The following USP24 variants were observed in gnomAD, a reference collection of about 807,000 sequenced individuals.
The protein encoded by USP24 is ubiquitin carboxyl-terminal hydrolase 24.
Under a neutral mutation model 361.6 loss-of-function variants are expected in USP24, and 97 were observed. The observed-to-expected ratio is 0.27, with a 90% CI of 0.23 to 0.32. USP24 has a LOEUF of 0.32. Among genes scored for constraint, USP24 ranks in the 10% least tolerant of loss-of-function variants. The probability of loss-of-function intolerance (pLI) is 1.00; values close to 1 mark genes in which losing one functional copy is unlikely to be tolerated. For synonymous variants in USP24, 1,098 were observed against 1,124.6 expected, an observed-to-expected ratio of 0.98 and a Z score of 0.47; for missense variants, 2,353 against 3,165.6, an observed-to-expected ratio of 0.74 and a Z score of 6.16.
chr1:55,078,717 T>A, intron 60 of USP24, 66 bp from the exon 61 acceptor site: 3 of 1,268,354 alleles, frequency 2.4e-6, no homozygotes, highest in Non-Finnish European at 3.2e-6. Context: ...CTGTTGTTGC[T>A]GCCTTTAACT....
intron 61 of USP24, among the ~76,000 whole-genome samples, chr1:55,078,108 AAAG>A (rs1645068310): frequency 6.6e-6 from 1 of 152,244 alleles, no homozygotes; most frequent in East Asian, 1.9e-4. Flanking sequence ...CTGGTGCATA[AAAG>A]AAGGCATGCA....
rs183528901 is a variant in USP24, at chr1:55,099,098, T to C, written c.5371-540A>G. Among the ~76,000 whole-genome samples, 571 of 152,298 alleles carry C rather than the reference T, an allele frequency of 3.7e-3. 1 individual carries two copies. Among genetic ancestry groups the C allele is most frequent in the Admixed American group, 9.4e-3 (144 of 15,300 alleles). On this transcript the variant is annotated intron_variant, in intron 45 of 67. Transcript: ENST00000294383. ...CTTTCTCCCCTGTGCCAGAGCACTC[T>C]CTGCTCTGCACAGGGCCATCAGCTC... is the stretch of plus-strand genomic sequence containing the variant.
At chr1:55,102,658 C>T (rs759422001) in intron 42 of USP24, among the ~76,000 whole-genome samples, 1 of 151,558 alleles carries the variant, frequency 6.6e-6, no homozygotes, top group Admixed American at 6.6e-5. Context: ...TAATTAACAC[C>T]GAAATTTATT....
intron 24 of USP24, 37 bp downstream of exon 24, chr1:55,141,577 CAT>C (rs762737364): frequency 3.0e-5 from 45 of 1,514,728 alleles, no homozygotes; most frequent in Middle Eastern, 1.7e-4. Flanking sequence ...AAAAAACTGA[CAT>C]ATGTGTGTTG....
intron 51 of USP24, among the ~76,000 whole-genome samples, chr1:55,094,725 A>G (rs917937962): frequency 6.8e-6 from 1 of 146,626 alleles, no homozygotes; most frequent in African/African-American, 2.5e-5. Context: ...AAGTCCAGGT[A>G]TGGTGACTTA....
intron 47 of USP24, 22 bp downstream of exon 47, chr1:55,097,921 T>C: frequency 6.3e-7 from 1 of 1,575,512 alleles, no homozygotes. Flanking sequence ...ATCTTGTTTT[T>C]TAAAAAGGGC....
intron 53 of USP24, 92 bp downstream of exon 53, chr1:55,092,729 A>G: frequency 1.1e-6 from 1 of 943,544 alleles, no homozygotes; most frequent in Non-Finnish European, 1.6e-6. Context: ...AATGCTAACT[A>G]CTGAGACTGA....
rs72913316 is a variant in USP24, at chr1:55,154,920, T to C, written c.1447-142A>G. The C allele has an allele frequency of 1.8e-3, 1,098 of 605,024 alleles. 9 individuals are homozygous for C. The highest frequency in any genetic ancestry group is 0.018 in the African/African-American group (956 of 53,166). The allele number at this position is 605,024 out of a possible 1,614,324, so 37.5% of individuals were successfully genotyped here. ...GTGTAATCAGCATCCACTTGCATAATATTGGCAAGACTATATGAAGCAACC... is the reference window on the plus strand; with the variant it reads ...GTGTAATCAGCATCCACTTGCATAACATTGGCAAGACTATATGAAGCAACC... On this transcript the variant is annotated intron_variant, in intron 12 of 67. Coordinates refer to ENST00000294383, the MANE Select transcript of USP24 (RefSeq NM_015306.3).
At chr1:55,182,028 A>C (rs1643983339) in intron 1 of USP24, among the ~76,000 whole-genome samples, 1 of 152,172 alleles carries the variant, frequency 6.6e-6, no homozygotes, top group Non-Finnish European at 1.5e-5. Context: ...AATCCTCACC[A>C]GAAACCAACT....
At position 55,215,082 on chromosome 1, in the gene USP24, G is replaced by A; in HGVS notation, c.32C>T (p.Thr11Met). 1 of 1,393,664 alleles carries A rather than the reference G, an allele frequency of 7.2e-7. No homozygotes were observed. Among genetic ancestry groups the A allele is most frequent in the Non-Finnish European group, 9.4e-7 (1 of 1,066,164 alleles). The allele number at this position is 1,393,664 out of a possible 1,614,324, so 86.3% of individuals were successfully genotyped here. The change falls in exon 1 of 68, where the codon ACG becomes ATG. Residue 11 changes from threonine (T) to methionine (M), a missense_variant. Thr to Met is a moderately conservative substitution (Grantham distance 81). Coordinates refer to ENST00000294383, the MANE Select transcript of USP24 (RefSeq NM_015306.3). ...GTCTGAGAAGCCCATGCACAGCAGC[G>A]TGGTCATGTGCTGCTCCTCCTCCGA... is the stretch of plus-strand genomic sequence containing the variant. MESEEEQHMT[T>M]LLCMGFSDPA...
intron 42 of USP24, among the ~76,000 whole-genome samples, chr1:55,103,623 T>A (rs1407595974): frequency 6.6e-6 from 1 of 152,204 alleles, no homozygotes. Flanking sequence ...GAATGCTACT[T>A]TTTACTGAGA....
At chr1:55,145,103 AACAG>A (rs1406989525) in intron 20 of USP24, among the ~76,000 whole-genome samples, 2 of 152,190 alleles carry the variant, frequency 1.3e-5, no homozygotes, top group Admixed American at 6.5e-5. Flanking sequence ...CACTTTGCAA[AACAG>A]ACAGTTCCTG....
chr1:55,126,575 G>T (rs964461289), intron 32 of USP24, among the ~76,000 whole-genome samples: 1 of 152,200 alleles, frequency 6.6e-6, no homozygotes, highest in Non-Finnish European at 1.5e-5. Context: ...TGAATTAAAT[G>T]ACATACACAA....
At chr1:55,089,785 G>T in intron 54 of USP24, 45 bp from the exon 55 acceptor site, 1 of 1,355,204 alleles carries the variant, frequency 7.4e-7, no homozygotes, top group Non-Finnish European at 1.0e-6. Context: ...CATAAGCCCA[G>T]CCAATGACCT....
intron 20 of USP24, among the ~76,000 whole-genome samples, 191 bp from the exon 21 acceptor site, chr1:55,144,394 T>C (rs916915057): frequency 1.3e-5 from 2 of 152,040 alleles, no homozygotes; most frequent in Non-Finnish European, 2.9e-5. Context: ...GTGCTTCAAA[T>C]GACATTAACA....
rs766653644 is a variant in USP24 at position 55,079,586 on chromosome 1, C to T, written c.7152G>A (p.Glu2384=). ...CAGACATGAACAACAAGGCTTCTAC[C>T]TCCTCATGGAGGGGCAACAGAGGGC... ...PSSPLLPLHE[E]VEALLFMSEG... The change falls in exon 60 of 68, where the codon GAG becomes GAA. Residue 2384 remains glutamate (E), a synonymous_variant. Coordinates refer to ENST00000294383, the MANE Select transcript of USP24 (RefSeq NM_015306.3). 7 of 1,570,052 alleles carry T rather than the reference C, an allele frequency of 4.5e-6. No individual in the cohort carries two copies. The East Asian group carries it at 1.7e-4, about 37-fold the overall frequency.
intron 1 of USP24, among the ~76,000 whole-genome samples, chr1:55,182,723 T>A (rs1324903837): frequency 6.6e-6 from 1 of 152,092 alleles, no homozygotes; most frequent in African/African-American, 2.4e-5. Context: ...AACAGTCTTT[T>A]ATTTTTTTTG....
chr1:55,093,940 G>A lies in USP24; in HGVS notation c.6351C>T (p.Tyr2117=), dbSNP rs753429789. Residue 2117 remains tyrosine, a synonymous_variant, in exon 52 of 68, where the codon TAC becomes TAT. Coordinates refer to ENST00000294383, the MANE Select transcript of USP24 (RefSeq NM_015306.3). The part of the protein sequence containing the change: ...LFVEKMPARI[Y]QMVRDENLKF... Reference sequence around the variant, plus strand: ...GAATTTTTTATATGGTTCTTACCTGGTATATTCGAGCAGGCATTTTCTCCA... The same window carrying A: ...GAATTTTTTATATGGTTCTTACCTGATATATTCGAGCAGGCATTTTCTCCA... 1.2e-6 allele frequency: 2 copies of A among 1,613,248 alleles called. No homozygotes were observed. The highest frequency in any genetic ancestry group is 2.2e-5 in the South Asian group (2 of 91,036).
At chr1:55,176,314 C>G in intron 3 of USP24, 62 bp downstream of exon 3, 27 of 1,395,082 alleles carry the variant, frequency 1.9e-5, no homozygotes, top group South Asian at 2.8e-5. Context: ...AAAAGCTTCT[C>G]TTCCTTCACC....
Sources: allele counts gnomAD v4.1 joint callset (sites outside exome capture counted in the v4.1 genomes callset), GRCh38; gene constraint gnomAD v4.1.1; transcripts MANE v1.5; gene names NCBI Gene and HGNC (gene_info 2026-07-23, HGNC 2026-07-21).